The following PCDHGB2 variants were observed in gnomAD, a reference collection of about 807,000 sequenced individuals.
PCDHGB2 encodes the protein protocadherin gamma-B2.
A neutral mutation model predicts 59.3 loss-of-function variants in PCDHGB2; 55 were observed. The ratio of observed to expected loss-of-function variants is 0.93; its 90% CI spans 0.75 to 1.16. The LOEUF (loss-of-function observed/expected upper bound fraction) is 1.16, where lower values mean the gene tolerates loss of function less well. Ranked by LOEUF, PCDHGB2 falls within the 50% of genes most tolerant of loss-of-function variation. The pLI, the probability that PCDHGB2 is intolerant of heterozygous loss-of-function variation, is 0.00. For missense variants in PCDHGB2, 1,228 were observed against 1,198.5 expected, an observed-to-expected ratio of 1.02 and a Z score of -0.36; for synonymous variants, 516 against 512.0, an observed-to-expected ratio of 1.01 and a Z score of -0.11.
At chr5:141,492,265 G>C (rs1363279754) in intron 1 of PCDHGB2, among the ~76,000 whole-genome samples, 1 of 152,180 alleles carries the variant, frequency 6.6e-6, no homozygotes, top group Non-Finnish European at 1.5e-5. Flanking sequence ...CAAGTTGCAC[G>C]GGCTCGCCAC....
chr5:141,429,729 A>G (rs1362403236), intron 1 of PCDHGB2, among the ~76,000 whole-genome samples: 1 of 152,240 alleles, frequency 6.6e-6, no homozygotes, highest in African/African-American at 2.4e-5. Flanking sequence ...GAAAGTACGT[A>G]GCCAGTTATT....
chr5:141,490,793 C>T lies in PCDHGB2; in HGVS notation c.2422-4014C>T, dbSNP rs2233608. 6 of 1,613,812 alleles carry T rather than the reference C, an allele frequency of 3.7e-6. No homozygotes were observed. The East Asian group carries it at 1.3e-4, about 36-fold the overall frequency. On this transcript the variant is annotated intron_variant, in intron 1 of 3. Transcript: ENST00000522605. This position sits in a 1 kb window ranked among gnomAD's most constrained non-coding sequence, Gnocchi z 5.4. Reference sequence around the variant, plus strand: ...AACCCAGAGGATGGACGGATCTTTGCCCAGCGTACCTTTGACTATGAATTG... The same window carrying T: ...AACCCAGAGGATGGACGGATCTTTGTCCAGCGTACCTTTGACTATGAATTG...
intron 1 of PCDHGB2, chr5:141,375,369 C>T (rs759826011): frequency 6.2e-7 from 1 of 1,613,892 alleles, no homozygotes; most frequent in South Asian, 1.1e-5. Flanking sequence ...GACAAAGGAA[C>T]ACCACCTCTG....
chr5:141,419,148 C>G, intron 1 of PCDHGB2: 1 of 1,613,940 alleles, frequency 6.2e-7, no homozygotes. Flanking sequence ...AGGGGCAAGC[C>G]TCCGTTATCC....
intron 1 of PCDHGB2, chr5:141,382,822 A>C: frequency 7.6e-7 from 1 of 1,310,696 alleles, no homozygotes; most frequent in Non-Finnish European, 1.1e-6. Context: ...TTCCTAAGAC[A>C]GAGGGGTCCA....
chr5:141,385,157 A>G (rs1338074749), intron 1 of PCDHGB2: 1 of 1,614,208 alleles, frequency 6.2e-7, no homozygotes, highest in East Asian at 2.2e-5. Flanking sequence ...CTGCAGACCT[A>G]TTCCCATGAG....
intron 1 of PCDHGB2, among the ~76,000 whole-genome samples, chr5:141,438,788 A>G (rs1024095720): frequency 3.3e-5 from 5 of 149,742 alleles, no homozygotes; most frequent in Non-Finnish European, 7.4e-5. Flanking sequence ...CAGCCTCTCC[A>G]GTAGCTGGGA....
chr5:141,366,741 G>A lies in PCDHGB2; in HGVS notation c.2421+4185G>A, dbSNP rs772947820. 7.4e-6 allele frequency: 12 copies of A among 1,611,708 alleles called. No homozygotes were observed. The highest frequency in any genetic ancestry group is 1.3e-5 in the African/African-American group (1 of 74,862). On this transcript the variant is annotated intron_variant, in intron 1 of 3. Coordinates refer to ENST00000522605, the MANE Select transcript of PCDHGB2 (RefSeq NM_018923.3). ...AAGGTAGATGCAAACAAAGAAGAAC[G>A]GCGAGTTCAGGTTAGTTTTCTCTTT...
At chr5:141,478,050 CG>C in intron 1 of PCDHGB2, 1 of 1,614,184 alleles carries the variant, frequency 6.2e-7, no homozygotes, top group Non-Finnish European at 8.5e-7. Context: ...CAGACTCTCA[CG>C]GTCTTGATCA....
chr5:141,468,681 A>G (rs1415798588), intron 1 of PCDHGB2: 1 of 151,830 alleles, frequency 6.6e-6, no homozygotes, highest in African/African-American at 2.4e-5. Flanking sequence ...CCTGGCTAAC[A>G]CGGTGAAACC....
At position 141,374,696 on chromosome 5, in the gene PCDHGB2, G is replaced by A. The variant is rs747520978; in HGVS notation, c.2421+12140G>A. 5 of 1,609,314 alleles carry A rather than the reference G, an allele frequency of 3.1e-6. No homozygotes were observed. In the African/African-American group the frequency reaches 6.7e-5, roughly 21 times the overall value. ...GGAGGGCACACTGGACCGGGAAGGA[G>A]AAGCCGTTTACCGCCTGGTCCTTAC... On this transcript the variant is annotated intron_variant, in intron 1 of 3. Coordinates refer to ENST00000522605, the MANE Select transcript of PCDHGB2 (RefSeq NM_018923.3).
At chr5:141,408,378 TG>T (rs780092463) in intron 1 of PCDHGB2, 2 of 1,614,002 alleles carry the variant, frequency 1.2e-6, no homozygotes, top group Admixed American at 1.7e-5. Flanking sequence ...CTCAGTGTCC[TG>T]GATGTGTCGG....
At chr5:141,371,340 A>G in intron 1 of PCDHGB2, 2 of 1,613,980 alleles carry the variant, frequency 1.2e-6, no homozygotes, top group Non-Finnish European at 1.7e-6. Flanking sequence ...AGATAGCTAC[A>G]CAATTGGGGT....
Position 141,360,432 on chromosome 5 carries a change from G to C in PCDHGB2, c.297G>C (p.Gln99His). Reference sequence around the variant, plus strand: ...ACCGAGAACAGATATGCGGGAAGCAGCCTCTGTGTGTTCTGGATTTCGATA... The same window carrying C: ...ACCGAGAACAGATATGCGGGAAGCACCCTCTGTGTGTTCTGGATTTCGATA... ...RIDREQICGK[Q>H]PLCVLDFDTV... The change falls in exon 1 of 4, where the codon CAG becomes CAC. Residue 99 changes from glutamine to histidine, a missense_variant. Around this residue, in one of 3 missense-constraint regions of PCDHGB2, gnomAD observed 781 missense variants for 721.6 expected, o/e 1.08. Transcript: ENST00000522605. The C allele has an allele frequency of 6.2e-7, 1 of 1,613,994 alleles. No homozygotes were observed. Among genetic ancestry groups the C allele is most frequent in the Non-Finnish European group, 8.5e-7 (1 of 1,179,886 alleles).
At chr5:141,403,873 A>G in intron 1 of PCDHGB2, 1 of 1,613,840 alleles carries the variant, frequency 6.2e-7, no homozygotes, top group Non-Finnish European at 8.5e-7. Flanking sequence ...CAAAAAGTCT[A>G]GATTATGAAG....
At chr5:141,427,882 A>G (rs2097084180) in intron 1 of PCDHGB2, 3 of 1,563,878 alleles carry the variant, frequency 1.9e-6, no homozygotes, top group Non-Finnish European at 2.6e-6. Flanking sequence ...ATGCAGGCCC[A>G]CGACCAGGGC....
intron 1 of PCDHGB2, among the ~76,000 whole-genome samples, chr5:141,463,999 C>A (rs1261262637): frequency 1.3e-5 from 2 of 152,056 alleles, no homozygotes; most frequent in African/African-American, 4.8e-5. Flanking sequence ...GGTGCAGTGG[C>A]TCATGCTTGT....
chr5:141,415,750 T>G lies in PCDHGB2; in HGVS notation c.2421+53194T>G, dbSNP rs758016978. 309 of 1,313,170 alleles carry G rather than the reference T, an allele frequency of 2.4e-4. No individual in the cohort carries two copies. In the East Asian group the frequency reaches 2.9e-3, roughly 12 times the overall value. 81.3% of individuals were successfully genotyped at this position (1,313,170 alleles called of 1,614,324 possible). On this transcript the variant is annotated intron_variant, in intron 1 of 3. Coordinates refer to ENST00000522605, the MANE Select transcript of PCDHGB2 (RefSeq NM_018923.3). Reference sequence around the variant, plus strand: ...TTGATGTTTATTAAGGTTTTTTTTTTTTTTTTTTTTTTTTTTTTTTTTACT... The same window carrying G: ...TTGATGTTTATTAAGGTTTTTTTTTGTTTTTTTTTTTTTTTTTTTTTTACT...
chr5:141,392,659 A>G, intron 1 of PCDHGB2: 1 of 788,300 alleles, frequency 1.3e-6, no homozygotes, highest in Non-Finnish European at 1.9e-6. Context: ...CGCAGATGCC[A>G]CAAACTAACT....
Sources: gnomAD v4.1 joint callset for allele counts (sites outside exome capture counted in the v4.1 genomes callset) on GRCh38, gnomAD v4.1.1 for gene constraint, gnomAD v4.1.1 regional missense constraint, Gnocchi (gnomAD v3.1) non-coding constraint, MANE v1.5 for transcripts, NCBI Gene and HGNC (gene_info 2026-07-23, HGNC 2026-07-21) for gene names.